Variants in PCDH11Y observed in about 807,000 individuals in gnomAD.
PCDH11Y encodes protocadherin 11 Y-linked.
For missense variants in PCDH11Y, 12 were observed against 224.8 expected, an observed-to-expected ratio of 0.05 and a Z score of 6.05; for synonymous variants, 9 against 83.6, an observed-to-expected ratio of 0.11 and a Z score of 4.87.
intron 1 of PCDH11Y, among the ~76,000 whole-genome samples, chrY:5,058,447 A>G: frequency 3.6e-5 from 1 of 28,043 alleles, no homozygotes; most frequent in South Asian, 8.8e-4. Context: ...TCACACTTTT[A>G]TAAATATTCT....
chrY:5,035,066 G>GT (rs2052596970), intron 3 of PCDH11Y, among the ~76,000 whole-genome samples: 5 of 31,236 alleles, frequency 1.6e-4, no homozygotes, highest in East Asian at 1.7e-3. Flanking sequence ...AATAAACATA[G>GT]TTTTTTTGCT....
chrY:5,374,445 G>GTA (rs1194776144), intron 2 of PCDH11Y, among the ~76,000 whole-genome samples: 15 of 27,256 alleles, frequency 5.5e-4, no homozygotes, highest in East Asian at 1.8e-3. Flanking sequence ...ATATATGTGT[G>GTA]TATATATATA....
chrY:5,602,473 T>C, intron 4 of PCDH11Y, among the ~76,000 whole-genome samples: 1 of 32,874 alleles, frequency 3.0e-5, no homozygotes, highest in Non-Finnish European at 7.5e-5. Context: ...CTAATTAGGC[T>C]TGGGGAAGAG....
chrY:5,600,048 CATG>C (rs2053471099), intron 4 of PCDH11Y, among the ~76,000 whole-genome samples: 1 of 29,605 alleles, frequency 3.4e-5, no homozygotes, highest in African/African-American at 1.3e-4. Flanking sequence ...CACAGAACTC[CATG>C]ATTATAGATA....
chrY:5,013,098 A>G (rs759856531), intron 1 of PCDH11Y, among the ~76,000 whole-genome samples: 186 of 31,554 alleles, frequency 5.9e-3, no homozygotes, highest in Non-Finnish European at 0.013. Context: ...CGGCCTCCCA[A>G]AGTACTGGGA....
At chrY:5,219,329 C>T in intron 2 of PCDH11Y, among the ~76,000 whole-genome samples, 1 of 32,627 alleles carries the variant, frequency 3.1e-5, no homozygotes, top group Non-Finnish European at 7.5e-5. Context: ...ACATCCCCCC[C>T]CCACAGTTTA....
intron 2 of PCDH11Y, among the ~76,000 whole-genome samples, chrY:5,235,275 T>C: frequency 3.2e-5 from 1 of 31,614 alleles, no homozygotes; most frequent in Non-Finnish European, 7.6e-5. Flanking sequence ...TATTTTTTTT[T>C]CTGACTTTTA....
At chrY:5,126,427 C>T (rs2124640639) in intron 2 of PCDH11Y, among the ~76,000 whole-genome samples, 1 of 31,406 alleles carries the variant, frequency 3.2e-5, no homozygotes, top group Admixed American at 3.0e-4. Flanking sequence ...GGCAGCAGTA[C>T]GACTACATAT....
At chrY:5,436,393 A>T (rs2124681210) in intron 2 of PCDH11Y, among the ~76,000 whole-genome samples, 1 of 34,023 alleles carries the variant, frequency 2.9e-5, no homozygotes, top group East Asian at 7.7e-4. Context: ...CAGGTGACTG[A>T]ATCAAATATG....
intron 3 of PCDH11Y, among the ~76,000 whole-genome samples, chrY:5,578,185 C>G: frequency 3.0e-5 from 1 of 33,700 alleles, no homozygotes; most frequent in African/African-American, 1.2e-4. Context: ...TACACAAGTA[C>G]AACACTGCTA....
chrY:5,198,820 T>A, intron 2 of PCDH11Y, among the ~76,000 whole-genome samples: 1 of 31,240 alleles, frequency 3.2e-5, no homozygotes, highest in Non-Finnish European at 7.7e-5. Flanking sequence ...ATCATCAATT[T>A]TGTGTTAAGT....
At chrY:5,198,737 C>G (rs2052923812) in intron 2 of PCDH11Y, among the ~76,000 whole-genome samples, 1 of 32,428 alleles carries the variant, frequency 3.1e-5, no homozygotes, top group Non-Finnish European at 7.5e-5. Context: ...TCACCATTAT[C>G]TATACATGAT....
intron 2 of PCDH11Y, among the ~76,000 whole-genome samples, chrY:5,309,809 C>T (rs2053095852): frequency 3.2e-5 from 1 of 31,482 alleles, no homozygotes; most frequent in Non-Finnish European, 7.6e-5. Context: ...AATTGGGTTT[C>T]GGTTGGTTTA....
At chrY:5,629,155 G>GAA (rs2053510221) in intron 4 of PCDH11Y, among the ~76,000 whole-genome samples, 1 of 33,857 alleles carries the variant, frequency 3.0e-5, no homozygotes, top group Non-Finnish European at 7.3e-5. Context: ...AATCTAGCTT[G>GAA]AAAATTATAG....
At chrY:5,177,819 T>C in intron 2 of PCDH11Y, among the ~76,000 whole-genome samples, 2 of 32,482 alleles carry the variant, frequency 6.2e-5, no homozygotes, top group South Asian at 1.4e-3. Flanking sequence ...CTATAGTCAA[T>C]AATAATTATA....
chrY:5,261,956 C>T (rs2053018922), intron 2 of PCDH11Y, among the ~76,000 whole-genome samples: 1 of 33,163 alleles, frequency 3.0e-5, no homozygotes, highest in Admixed American at 2.8e-4. Context: ...TTCCTTTTTA[C>T]GGCTGCATAG....
At chrY:5,207,572 G>A in intron 2 of PCDH11Y, 1 of 372,206 alleles carries the variant, frequency 2.7e-6, no homozygotes, top group South Asian at 3.0e-5. Flanking sequence ...AAGTTGCTCT[G>A]GGTCACTCCG....
intron 3 of PCDH11Y, among the ~76,000 whole-genome samples, chrY:5,512,849 T>G (rs2053367364): frequency 3.0e-4 from 10 of 32,998 alleles, no homozygotes; most frequent in Non-Finnish European, 5.2e-4. Context: ...GAGTTTGTAT[T>G]ATAGAGACTT....
intron 2 of PCDH11Y, among the ~76,000 whole-genome samples, chrY:5,400,228 G>C: frequency 2.9e-5 from 1 of 34,824 alleles, no homozygotes; most frequent in Non-Finnish European, 7.2e-5. Context: ...TTAAGGCACA[G>C]ATTGCTCATG....
Sources: allele counts gnomAD v4.1 joint callset (sites outside exome capture counted in the v4.1 genomes callset), GRCh38; gene constraint gnomAD v4.1.1; transcripts MANE v1.5; gene names NCBI Gene and HGNC (gene_info 2026-07-23, HGNC 2026-07-21).